Variants in NPAS3 observed in about 807,000 individuals in gnomAD.
NPAS3 encodes the protein neuronal PAS domain-containing protein 3.
NPAS3 carries 14 observed loss-of-function variants against 73.1 expected under a neutral mutation model. The observed-to-expected ratio is 0.19, with a 90% CI of 0.13 to 0.30. The LOEUF is 0.30. Ranked by LOEUF, NPAS3 falls within the 10% of genes least tolerant of loss-of-function variation. NPAS3 has a pLI of 1.00. For synonymous variants in NPAS3, 620 were observed against 541.5 expected (o/e 1.14, Z -2.01); for missense variants, 1,096 against 1,250.0 (o/e 0.88, Z 1.86).
chr14:33,421,529 G>A (rs2048357721), intron 4 of NPAS3, among the ~76,000 whole-genome samples: 1 of 148,714 alleles, frequency 6.7e-6, no homozygotes, highest in Non-Finnish European at 1.5e-5. Flanking sequence ...AATCATAGAA[G>A]CATTTCCCAT....
At position 33,572,967 on chromosome 14, in the gene NPAS3, G is replaced by A. The variant is rs556391057; in HGVS notation, c.558+12757G>A. 2.8e-5 allele frequency among the ~76,000 whole-genome samples: 4 copies of A among 143,664 alleles called. No homozygotes were observed. In the South Asian group the frequency reaches 9.2e-4, roughly 33 times the overall value. 94.2% of individuals were successfully genotyped at this position (143,664 alleles called of 152,430 possible). On this transcript the variant is annotated intron_variant, in intron 5 of 11. Transcript: ENST00000356141. ...AACCCCGGGAAGCGGAGGTTGCAGT[G>A]AGCCGAGATCACGCCACTGCACTCC...
At chr14:33,754,893 G>A (rs974250359) in intron 7 of NPAS3, among the ~76,000 whole-genome samples, 2 of 152,170 alleles carry the variant, frequency 1.3e-5, no homozygotes, top group Non-Finnish European at 2.9e-5. Flanking sequence ...AAGTTATTTG[G>A]GGTAAATGCC....
At chr14:33,578,826 G>C (rs1567023836) in intron 5 of NPAS3, among the ~76,000 whole-genome samples, 1 of 151,938 alleles carries the variant, frequency 6.6e-6, no homozygotes, top group Non-Finnish European at 1.5e-5. Context: ...AACCACAGGG[G>C]AAAACAAAAC....
intron 4 of NPAS3, among the ~76,000 whole-genome samples, chr14:33,381,938 A>G (rs1313109198): frequency 6.6e-6 from 1 of 152,170 alleles, no homozygotes; most frequent in Non-Finnish European, 1.5e-5. Context: ...TGAATCAGAC[A>G]GAAGCAATAG....
intron 2 of NPAS3, among the ~76,000 whole-genome samples, chr14:33,096,132 A>G (rs2042412515): frequency 6.6e-6 from 1 of 151,730 alleles, no homozygotes; most frequent in African/African-American, 2.4e-5. Flanking sequence ...TAGGTTTAGG[A>G]AGATTTCATA....
In NPAS3 at chr14:33,578,484, G is replaced by A. The variant is rs993980861; in HGVS notation, c.558+18274G>A. 6.9e-5 allele frequency: 22 copies of A among 317,082 alleles called. 1 individual carries two copies. The highest frequency in any genetic ancestry group is 5.4e-4 in the Admixed American group (12 of 22,274). 19.6% of individuals were successfully genotyped at this position (317,082 alleles called of 1,614,324 possible). A position where few individuals can be genotyped will look rare whatever the true frequency, so the allele number is the denominator to read the frequency against. The stretch of plus-strand genomic sequence containing the variant: ...GCTGGGATTACAGGCATAAGACACC[G>A]CACCCAGCCCCAACACCCGTCTTTT... On this transcript the variant is annotated intron_variant, in intron 5 of 11. Transcript: ENST00000356141.
intron 4 of NPAS3, among the ~76,000 whole-genome samples, chr14:33,404,186 T>C (rs1033532504): frequency 6.6e-6 from 1 of 152,144 alleles, no homozygotes; most frequent in African/African-American, 2.4e-5. Context: ...TATTTCATAA[T>C]CTCTTTGGAC....
intron 5 of NPAS3, among the ~76,000 whole-genome samples, chr14:33,572,455 G>A (rs989235354): frequency 6.6e-6 from 1 of 152,142 alleles, no homozygotes; most frequent in Admixed American, 6.5e-5. Context: ...ATTAAGGTTT[G>A]TAATCCTAAC....
At chr14:33,166,754 C>T (rs1174458059) in intron 2 of NPAS3, among the ~76,000 whole-genome samples, 7 of 152,056 alleles carry the variant, frequency 4.6e-5, no homozygotes, top group South Asian at 2.1e-4. Flanking sequence ...GGTACACATA[C>T]GATTCTGCCT....
intron 4 of NPAS3, among the ~76,000 whole-genome samples, chr14:33,497,921 G>C (rs980371906): frequency 9.9e-5 from 15 of 151,982 alleles, no homozygotes; most frequent in African/African-American, 3.4e-4. Context: ...CTACAGAATG[G>C]GAGAAAATTT....
chr14:33,061,127 T>A (rs1595357576), intron 2 of NPAS3, among the ~76,000 whole-genome samples: 1 of 152,128 alleles, frequency 6.6e-6, no homozygotes, highest in East Asian at 1.9e-4. Flanking sequence ...TTATCCCAAT[T>A]AAGGCGAACA....
intron 1 of NPAS3, among the ~76,000 whole-genome samples, chr14:33,049,471 G>A (rs1456027849): frequency 1.3e-5 from 2 of 152,174 alleles, no homozygotes; most frequent in African/African-American, 2.4e-5. Context: ...AGACAAGGAG[G>A]AGCAAGTCAC....
At chr14:33,484,842 A>G (rs1490958110) in intron 4 of NPAS3, among the ~76,000 whole-genome samples, 2 of 152,150 alleles carry the variant, frequency 1.3e-5, no homozygotes, top group African/African-American at 2.4e-5. Context: ...GCAAGACACA[A>G]ATCAAGGTGA....
chr14:33,376,076 G>A (rs568632820), intron 4 of NPAS3, among the ~76,000 whole-genome samples: 3 of 152,140 alleles, frequency 2.0e-5, no homozygotes, highest in African/African-American at 7.2e-5. Flanking sequence ...TCTCAAGAAT[G>A]CATGTTTTAC....
intron 3 of NPAS3, among the ~76,000 whole-genome samples, chr14:33,278,857 C>T (rs572746475): frequency 4.6e-5 from 7 of 152,182 alleles, no homozygotes; most frequent in South Asian, 4.2e-4. Context: ...AATTTTAATG[C>T]GAGTGTGTAT....
chr14:33,028,817 A>G (rs1018320718), intron 1 of NPAS3, among the ~76,000 whole-genome samples: 1 of 152,168 alleles, frequency 6.6e-6, no homozygotes, highest in Non-Finnish European at 1.5e-5. Context: ...ATATATGTAT[A>G]TATTTTTTAG....
chr14:33,404,547 A>AATAAGAATTT (rs2047583933), intron 4 of NPAS3, among the ~76,000 whole-genome samples: 1 of 152,050 alleles, frequency 6.6e-6, no homozygotes, highest in Non-Finnish European at 1.5e-5. Context: ...AAATGATACC[A>AATAAGAATTT]AGTATTTATC....
At chr14:33,620,446 T>C (rs1447587799) in intron 5 of NPAS3, among the ~76,000 whole-genome samples, 4 of 152,178 alleles carry the variant, frequency 2.6e-5, no homozygotes, top group Admixed American at 6.5e-5. Flanking sequence ...AAACTCTTTA[T>C]TTGAAAAGAA....
chr14:33,735,277 G>A (rs2061494585), exon 7 of NPAS3: 2 of 1,613,624 alleles, frequency 1.2e-6, no homozygotes, highest in Non-Finnish European at 1.7e-6. Context: ...TTTTTCATCC[G>A]AATGAAATCT....
Sources: gnomAD v4.1 joint callset for allele counts (sites outside exome capture counted in the v4.1 genomes callset) on GRCh38, gnomAD v4.1.1 for gene constraint, MANE v1.5 for transcripts, NCBI Gene and HGNC (gene_info 2026-07-23, HGNC 2026-07-21) for gene names.